Variants in GSE1 observed in about 807,000 individuals in gnomAD.
The protein encoded by GSE1 is Gse1 coiled-coil protein.
A neutral mutation model predicts 112.6 loss-of-function variants in GSE1; 32 were observed. The observed-to-expected ratio is 0.28, with a 90% CI of 0.21 to 0.38. The LOEUF (loss-of-function observed/expected upper bound fraction) is 0.38, where lower values mean the gene tolerates loss of function less well. Ranked by LOEUF, GSE1 falls within the 10% of genes least tolerant of loss-of-function variation. The pLI, the probability that GSE1 is intolerant of heterozygous loss-of-function variation, is 1.00. For missense variants in GSE1, 2,348 were observed against 1,699.2 expected, an observed-to-expected ratio of 1.38 and a Z score of -6.71; for synonymous variants, 1,115 against 735.6, an observed-to-expected ratio of 1.52 and a Z score of -8.35.
chr16:85,385,828 G>A (rs1027949103), intron 2 of GSE1, among the ~76,000 whole-genome samples: 28 of 152,192 alleles, frequency 1.8e-4, no homozygotes, highest in African/African-American at 5.8e-4. Context: ...AAGAATGACC[G>A]CGGGTGACCC....
At chr16:85,624,004 C>A (rs2048906201) in intron 1 of GSE1, among the ~76,000 whole-genome samples, 2 of 152,200 alleles carry the variant, frequency 1.3e-5, no homozygotes, top group African/African-American at 4.8e-5. Flanking sequence ...CTCTCTCCCT[C>A]CCACTTACCT....
chr16:85,510,220 T>C (rs1174067329), intron 2 of GSE1, among the ~76,000 whole-genome samples: 2 of 152,206 alleles, frequency 1.3e-5, no homozygotes, highest in Non-Finnish European at 2.9e-5. Flanking sequence ...TTCATTATAC[T>C]CTGGGGGCTG....
At chr16:85,396,681 A>C (rs902030918) in intron 2 of GSE1, among the ~76,000 whole-genome samples, 16 of 152,208 alleles carry the variant, frequency 1.1e-4, no homozygotes, top group Non-Finnish European at 2.2e-4. Context: ...AGGACCCCAC[A>C]ACGGGGCAGG....
intron 2 of GSE1, chr16:85,357,649 C>T (rs763564864): frequency 2.9e-5 from 37 of 1,287,544 alleles, no homozygotes; most frequent in South Asian, 4.9e-5. Flanking sequence ...TGCAGGTAGA[C>T]GCCAGCTCTT....
chr16:85,491,418 T>TG, intron 2 of GSE1, among the ~76,000 whole-genome samples: 1 of 152,124 alleles, frequency 6.6e-6, no homozygotes, highest in Middle Eastern at 3.4e-3. Flanking sequence ...CAGGGTATTC[T>TG]GGGGGGCTGG....
At chr16:85,200,987 G>C (rs946717813) in intron 1 of GSE1, among the ~76,000 whole-genome samples, 1 of 152,236 alleles carries the variant, frequency 6.6e-6, no homozygotes, top group African/African-American at 2.4e-5. Context: ...CTGGAGCAGG[G>C]CAGTGTCTAG....
At chr16:85,342,706 A>T (rs1456426223) in intron 1 of GSE1, among the ~76,000 whole-genome samples, 1 of 152,100 alleles carries the variant, frequency 6.6e-6, no homozygotes, top group Non-Finnish European at 1.5e-5. Context: ...GCCACATCTA[A>T]ACAGGGAGCA....
chr16:85,270,287 G>A lies in GSE1; in HGVS notation c.2284-87176G>A, dbSNP rs74467202. Among the ~76,000 whole-genome samples, 381 of 149,096 alleles carry A rather than the reference G, an allele frequency of 2.6e-3. 9 individuals are homozygous for A. Among genetic ancestry groups the A allele is most frequent in the African/African-American group, 8.9e-3 (366 of 41,342 alleles). On this transcript the variant is annotated intron_variant, in intron 1 of 2. Transcript: ENST00000637419. ...CCAGGCTCCCAGCACATGCCTCTCTGTTGAGGCCCAGGTGATGATCCCAGT... is the reference window on the plus strand; with the variant it reads ...CCAGGCTCCCAGCACATGCCTCTCTATTGAGGCCCAGGTGATGATCCCAGT...
chr16:85,176,605 G>A (rs1482953615), intron 1 of GSE1, among the ~76,000 whole-genome samples: 17 of 152,252 alleles, frequency 1.1e-4, no homozygotes, highest in Non-Finnish European at 2.5e-4. Context: ...GGCGGGCCGC[G>A]CTTCCCGCTT....
At chr16:85,591,170 G>A (rs533467970) in intron 1 of GSE1, among the ~76,000 whole-genome samples, 87 of 152,336 alleles carry the variant, frequency 5.7e-4, no homozygotes, top group Admixed American at 3.3e-3. Flanking sequence ...CTAGCAGAAG[G>A]TCCACGGCTT....
intron 2 of GSE1, among the ~76,000 whole-genome samples, chr16:85,397,619 G>A (rs950407641): frequency 2.0e-5 from 3 of 152,182 alleles, no homozygotes; most frequent in Admixed American, 2.0e-4. Context: ...TTCGGGTTCT[G>A]ACTCAGCCTG....
chr16:85,663,143 C>T (rs373554699), intron 10 of GSE1, 50 bp downstream of exon 10: 1 of 1,352,464 alleles, frequency 7.4e-7, no homozygotes, highest in Non-Finnish European at 1.1e-6. Context: ...GCTCTCGTTC[C>T]TAGCGTCCAC....
At position 85,663,504 on chromosome 16, in the gene GSE1, T is replaced by C; in HGVS notation, c.2534T>C (p.Leu845Pro). Residue 845 changes from leucine (L) to proline (P), a missense_variant, in exon 11 of 16, where the codon CTG becomes CCG. Physicochemically the swap from Leu to Pro is moderately conservative, Grantham distance 98. Transcript: ENST00000253458. ...KRQTPSPRLALSTRYSPDEMN... is the reference protein window; with the variant it reads ...KRQTPSPRLAPSTRYSPDEMN... Reference sequence around the variant, plus strand: ...CAGACGCCTTCACCGAGACTGGCGCTGTCTACCCGCTACAGCCCTGATGAG... The same window carrying C: ...CAGACGCCTTCACCGAGACTGGCGCCGTCTACCCGCTACAGCCCTGATGAG... The C allele has an allele frequency of 6.2e-7, 1 of 1,612,200 alleles. No homozygotes were observed. The highest frequency in any genetic ancestry group is 8.5e-7 in the Non-Finnish European group (1 of 1,179,594).
chr16:85,192,538 A>C (rs1361973458), intron 1 of GSE1, among the ~76,000 whole-genome samples: 1 of 152,162 alleles, frequency 6.6e-6, no homozygotes, highest in Non-Finnish European at 1.5e-5. Context: ...CACAGGTGTG[A>C]GTGGCTCTGC....
chr16:85,200,439 TAGAG>T (rs143788410), intron 1 of GSE1, among the ~76,000 whole-genome samples: 6,564 of 151,972 alleles, frequency 0.043, 218 homozygotes, highest in South Asian at 0.2. Flanking sequence ...AAGCTTTGCT[TAGAG>T]AGGTCATGTG....
intron 1 of GSE1, among the ~76,000 whole-genome samples, chr16:85,613,663 T>TG (rs898609867): frequency 0.01 from 423 of 41,768 alleles, 2 homozygotes; most frequent in South Asian, 0.028. Flanking sequence ...CAGCGGGGGA[T>TG]GGGGGGGGTG....
chr16:85,304,907 T>C (rs1002830091), intron 1 of GSE1, among the ~76,000 whole-genome samples: 24 of 152,296 alleles, frequency 1.6e-4, no homozygotes, highest in African/African-American at 5.3e-4. Context: ...CTAAAAAAAA[T>C]GAAGATAGCC....
rs149389986 is a variant in GSE1, at chr16:85,538,616, G to A, written c.2465-95298G>A. Among the ~76,000 whole-genome samples the A allele has an allele frequency of 2.3e-3, 357 of 152,248 alleles. 3 individuals are homozygous for A. Among genetic ancestry groups the A allele is most frequent in the African/African-American group, 7.3e-3 (303 of 41,554 alleles). On this transcript the variant is annotated intron_variant, in intron 2 of 2. Transcript: ENST00000637419. ...GGGGAGCCAGCCTTGGAAGCCAGCCGGTGGTTTCACTGGGGACTTGCCACC... is the reference window on the plus strand; with the variant it reads ...GGGGAGCCAGCCTTGGAAGCCAGCCAGTGGTTTCACTGGGGACTTGCCACC...
intron 1 of GSE1, among the ~76,000 whole-genome samples, chr16:85,297,556 G>T (rs909860086): frequency 2.0e-5 from 3 of 152,216 alleles, no homozygotes; most frequent in African/African-American, 7.2e-5. Context: ...CTGGAGTGCA[G>T]TGGTGTGATC....
Sources: gnomAD v4.1 joint callset for allele counts (sites outside exome capture counted in the v4.1 genomes callset) on GRCh38, gnomAD v4.1.1 for gene constraint, MANE v1.5 for transcripts, NCBI Gene and HGNC (gene_info 2026-07-23, HGNC 2026-07-21) for gene names.